Variants in MINDY2 observed in about 807,000 individuals in gnomAD.
The protein encoded by MINDY2 is ubiquitin carboxyl-terminal hydrolase MINDY-2.
In MINDY2, 52 loss-of-function variants were observed where a neutral mutation model predicts 68.2. The ratio of observed to expected loss-of-function variants is 0.76; its 90% CI spans 0.61 to 0.96. The LOEUF (loss-of-function observed/expected upper bound fraction) is 0.96, where lower values mean the gene tolerates loss of function less well. MINDY2 is among the 40% of genes least tolerant of loss of function. The pLI is 0.00. For synonymous variants in MINDY2, 372 were observed against 303.0 expected (o/e 1.23, Z -2.36); for missense variants, 881 against 773.4 (o/e 1.14, Z -1.65).
At chr15:58,826,022 C>T (rs141417069) in intron 5 of MINDY2, among the ~76,000 whole-genome samples, 209 of 152,184 alleles carry the variant, frequency 1.4e-3, no homozygotes, top group African/African-American at 4.7e-3. Flanking sequence ...GCCATAGACA[C>T]TGAACATTAT....
intron 6 of MINDY2, among the ~76,000 whole-genome samples, chr15:58,838,649 C>T (rs529153588): frequency 7.8e-6 from 1 of 128,730 alleles, no homozygotes; most frequent in African/African-American, 3.0e-5. Flanking sequence ...TGCGGTGGCA[C>T]AATCTCAGCT....
intron 1 of MINDY2, among the ~76,000 whole-genome samples, chr15:58,773,447 C>T (rs1900572646): frequency 6.6e-6 from 1 of 152,164 alleles, no homozygotes. Flanking sequence ...TGCATAATGG[C>T]ACTGAGATGT....
At position 58,854,539 on chromosome 15, in the gene MINDY2, C is replaced by G. The variant is rs764573238; in HGVS notation, c.1795C>G (p.Arg599Gly). 2 of 1,612,838 alleles carry G rather than the reference C, an allele frequency of 1.2e-6. No homozygotes were observed. Among genetic ancestry groups the G allele is most frequent in the Admixed American group, 1.7e-5 (1 of 59,920 alleles). The change falls in exon 9 of 9, where the codon CGT becomes GGT. Residue 599 changes from arginine (R) to glycine (G), a missense_variant. By Grantham distance (125) the Arg-to-Gly change is moderately radical. Transcript: ENST00000559228. ...TGGAAGACAATCTGGGAATAGTGAA[C>G]GTAAACGGAAGGAACCACGAGAAAA... Reference protein sequence around the residue: ...SSGRQSGNSERKRKEPREKDK... With the variant: ...SSGRQSGNSEGKRKEPREKDK...
chr15:58,817,352 A>C (rs1398839440), intron 4 of MINDY2, among the ~76,000 whole-genome samples: 2 of 152,206 alleles, frequency 1.3e-5, no homozygotes, highest in Non-Finnish European at 2.9e-5. Context: ...GAACATATGA[A>C]TTGGTCATCA....
At chr15:58,808,133 C>T (rs2029943032) in intron 3 of MINDY2, among the ~76,000 whole-genome samples, 1 of 152,008 alleles carries the variant, frequency 6.6e-6, no homozygotes, top group Non-Finnish European at 1.5e-5. Flanking sequence ...CCTCCTGTTC[C>T]TCCTAACCCC....
Position 58,771,330 on chromosome 15 carries a change from C to T in MINDY2, c.-66C>T, listed in dbSNP as rs1449098008. On this transcript the variant is annotated 5_prime_UTR_variant, in exon 1 of 9. Coordinates refer to ENST00000559228, the MANE Select transcript of MINDY2 (RefSeq NM_001040450.3). The stretch of plus-strand genomic sequence containing the variant: ...GTTGCTGCCAATACAGCTGTCATGG[C>T]GTCCAAGGCGCTGGCTGCGGAGAAG... The T allele has an allele frequency of 3.9e-6, 6 of 1,543,258 alleles. No homozygotes were observed. The highest frequency in any genetic ancestry group is 1.2e-5 in the South Asian group (1 of 83,916).
chr15:58,824,639 T>G (rs1027102414), intron 5 of MINDY2, among the ~76,000 whole-genome samples: 1 of 152,058 alleles, frequency 6.6e-6, no homozygotes, highest in Non-Finnish European at 1.5e-5. Flanking sequence ...TTTACTTACT[T>G]TGCAGCAATT....
chr15:58,835,321 A>G (rs917798943), intron 6 of MINDY2, among the ~76,000 whole-genome samples: 27 of 152,222 alleles, frequency 1.8e-4, no homozygotes, highest in African/African-American at 6.3e-4. Flanking sequence ...TAACTTAGGG[A>G]TTGTCAGGAA....
At chr15:58,851,680 T>A (rs1284833182) in intron 7 of MINDY2, 91 bp from the exon 8 acceptor site, 1 of 994,874 alleles carries the variant, frequency 1.0e-6, no homozygotes, top group East Asian at 3.0e-5. Context: ...TAGCCATTCT[T>A]ACAGCTTTAT....
chr15:58,811,942 C>G (rs571443580), intron 4 of MINDY2, among the ~76,000 whole-genome samples: 1 of 152,110 alleles, frequency 6.6e-6, no homozygotes, highest in Non-Finnish European at 1.5e-5. Context: ...CACTTACTTA[C>G]ATTTTTTAAC....
intron 6 of MINDY2, among the ~76,000 whole-genome samples, chr15:58,844,941 A>T (rs2032461203): frequency 7.3e-6 from 1 of 136,752 alleles, no homozygotes; most frequent in Non-Finnish European, 1.6e-5. Flanking sequence ...AAAAAAAAAA[A>T]AATGAAAGGA....
rs143337859 is a variant in MINDY2, at chr15:58,842,235, G to A, written c.1369-5062G>A. 2.0e-3 allele frequency among the ~76,000 whole-genome samples: 311 copies of A among 152,028 alleles called. 1 individual carries two copies. Among genetic ancestry groups the A allele is most frequent in the African/African-American group, 6.9e-3 (284 of 41,458 alleles). ...TCTCTGAAGTATATTCAGTCCCAAC[G>A]TTTTTGAGGTTGGTTGTTTTGTTGT... On this transcript the variant is annotated intron_variant, in intron 6 of 8. Coordinates refer to ENST00000559228, the MANE Select transcript of MINDY2 (RefSeq NM_001040450.3).
chr15:58,831,041 G>GTGTGTGTGTGTATATATATATATA (rs565786025), intron 5 of MINDY2, among the ~76,000 whole-genome samples: 1 of 124,904 alleles, frequency 8.0e-6, no homozygotes, highest in African/African-American at 3.4e-5. Flanking sequence ...GTGTGTGTGT[G>GTGTGTGTGTGTATATATATATATA]TATATATATA....
At chr15:58,828,335 C>T (rs1361674630) in intron 5 of MINDY2, among the ~76,000 whole-genome samples, 1 of 152,068 alleles carries the variant, frequency 6.6e-6, no homozygotes, top group Non-Finnish European at 1.5e-5. Flanking sequence ...GTCACAGTGA[C>T]AAGTTAAGTT....
intron 2 of MINDY2, among the ~76,000 whole-genome samples, chr15:58,797,409 A>G (rs1408904817): frequency 6.6e-6 from 1 of 152,120 alleles, no homozygotes; most frequent in Non-Finnish European, 1.5e-5. Flanking sequence ...TCAGGAGGTT[A>G]AGGCAGCAGG....
Position 58,812,214 on chromosome 15 carries a change from G to A in MINDY2, c.1122+1826G>A, listed in dbSNP as rs36028781. Reference sequence around the variant, plus strand: ...GTACTTTGGGAGGCCGAGGCGGGTGGATCATGAAGTCAGGAGTTCGAGATC... The same window carrying A: ...GTACTTTGGGAGGCCGAGGCGGGTGAATCATGAAGTCAGGAGTTCGAGATC... On this transcript the variant is annotated intron_variant, in intron 4 of 8. Transcript: ENST00000559228. Among the ~76,000 whole-genome samples, 1,155 of 152,216 alleles carry A rather than the reference G, an allele frequency of 7.6e-3. 7 individuals carry two copies. The highest frequency in any genetic ancestry group is 0.012 in the Non-Finnish European group (821 of 68,008).
intron 2 of MINDY2, among the ~76,000 whole-genome samples, chr15:58,794,383 G>GA (rs2140936105): frequency 6.6e-6 from 1 of 150,962 alleles, no homozygotes; most frequent in African/African-American, 2.5e-5. Flanking sequence ...GTGTGTGTGT[G>GA]TGTGTGTGTG....
chr15:58,849,984 G>A (rs963991776), intron 7 of MINDY2, among the ~76,000 whole-genome samples: 4 of 152,136 alleles, frequency 2.6e-5, no homozygotes, highest in Admixed American at 6.6e-5. Flanking sequence ...TGATGTGCCC[G>A]CCTTGGCCCC....
chr15:58,780,447 A>G (rs193182661), intron 1 of MINDY2, among the ~76,000 whole-genome samples: 56 of 152,264 alleles, frequency 3.7e-4, no homozygotes, highest in Admixed American at 1.0e-3. Context: ...AGTTTAAATA[A>G]CTAGTCCAAG....
Sources: gnomAD v4.1 joint callset for allele counts (sites outside exome capture counted in the v4.1 genomes callset) on GRCh38, gnomAD v4.1.1 for gene constraint, MANE v1.5 for transcripts, NCBI Gene and HGNC (gene_info 2026-07-23, HGNC 2026-07-21) for gene names.